Variants in MTUS2 observed in about 807,000 individuals in gnomAD.
MTUS2 encodes microtubule associated scaffold protein 2.
In MTUS2, 40 loss-of-function variants were observed where a neutral mutation model predicts 114.1. The ratio of observed to expected loss-of-function variants is 0.35; its 90% CI spans 0.27 to 0.46. The LOEUF is 0.46. MTUS2 is among the 20% of genes least tolerant of loss of function. MTUS2 has a pLI of 1.00. For synonymous variants in MTUS2, 688 were observed against 672.0 expected, an observed-to-expected ratio of 1.02 and a Z score of -0.37; for missense variants, 1,679 against 1,705.4, an observed-to-expected ratio of 0.98 and a Z score of 0.27.
chr13:28,893,906 A>C (rs1388892803), intron 2 of MTUS2, among the ~76,000 whole-genome samples: 2 of 152,164 alleles, frequency 1.3e-5, no homozygotes, highest in East Asian at 3.9e-4. Context: ...CCAGATCGAC[A>C]TTGTTTTGGT....
chr13:29,316,065 AG>A (rs895937418), intron 6 of MTUS2, among the ~76,000 whole-genome samples: 6 of 152,148 alleles, frequency 3.9e-5, no homozygotes, highest in Non-Finnish European at 7.4e-5. Flanking sequence ...CTGAGGGTAA[AG>A]GGGAAGACTG....
chr13:29,379,403 A>G (rs1201284956), intron 8 of MTUS2, among the ~76,000 whole-genome samples: 1 of 152,116 alleles, frequency 6.6e-6, no homozygotes, highest in Non-Finnish European at 1.5e-5. Flanking sequence ...CCTATAGAAG[A>G]GTGGGTCAGA....
chr13:29,185,635 T>A (rs1315754281), intron 5 of MTUS2, among the ~76,000 whole-genome samples: 2 of 152,202 alleles, frequency 1.3e-5, no homozygotes, highest in Non-Finnish European at 2.9e-5. Context: ...GACATATTCA[T>A]ATTCAAAGTG....
intron 5 of MTUS2, among the ~76,000 whole-genome samples, chr13:29,225,974 C>G (rs981453389): frequency 6.6e-6 from 1 of 152,092 alleles, no homozygotes; most frequent in African/African-American, 2.4e-5. Context: ...GGTAATCAAC[C>G]TGGAATTGAT....
At chr13:29,461,989 G>A (rs59631734) in intron 9 of MTUS2, among the ~76,000 whole-genome samples, 13,603 of 152,132 alleles carry the variant, frequency 0.089, 1,965 homozygotes, top group African/African-American at 0.31. Context: ...GTCTGCTGAG[G>A]GAGCTGGGAG....
At chr13:29,297,365 C>A (rs890992671) in intron 6 of MTUS2, among the ~76,000 whole-genome samples, 2 of 152,116 alleles carry the variant, frequency 1.3e-5, no homozygotes, top group Non-Finnish European at 2.9e-5. Context: ...TTGTTAAGAA[C>A]TGTATGCATC....
At chr13:29,036,945 G>A (rs1477106093) in intron 4 of MTUS2, among the ~76,000 whole-genome samples, 1 of 151,866 alleles carries the variant, frequency 6.6e-6, no homozygotes, top group African/African-American at 2.4e-5. Context: ...CACACTGATG[G>A]GTCTTGATTC....
intron 5 of MTUS2, among the ~76,000 whole-genome samples, chr13:29,139,845 C>G (rs1435906828): frequency 6.6e-6 from 1 of 152,210 alleles, no homozygotes; most frequent in Non-Finnish European, 1.5e-5. Flanking sequence ...GTCTCTGAGA[C>G]AGCAGGCACA....
At chr13:29,466,186 A>G (rs928032467) in intron 9 of MTUS2, among the ~76,000 whole-genome samples, 9 of 152,254 alleles carry the variant, frequency 5.9e-5, no homozygotes, top group African/African-American at 2.2e-4. Flanking sequence ...CTTTGTTTCA[A>G]GTCAGCACAT....
chr13:28,871,751 T>TG (rs560532236), intron 2 of MTUS2, among the ~76,000 whole-genome samples: 156 of 152,186 alleles, frequency 1.0e-3, no homozygotes, highest in Non-Finnish European at 1.9e-3. Context: ...ATTGCTGAAG[T>TG]GGGGGGATTA....
At chr13:28,847,831 C>T (rs889288905) in intron 2 of MTUS2, among the ~76,000 whole-genome samples, 2 of 152,132 alleles carry the variant, frequency 1.3e-5, no homozygotes, top group Non-Finnish European at 2.9e-5. Context: ...GGATGGACCT[C>T]ACATAGATGC....
intron 2 of MTUS2, among the ~76,000 whole-genome samples, chr13:28,981,914 C>T (rs1386879266): frequency 6.6e-6 from 1 of 152,188 alleles, no homozygotes; most frequent in Non-Finnish European, 1.5e-5. Context: ...GGTTCCGTTT[C>T]ACCTGGAGGG....
At chr13:29,204,045 C>T (rs1322069039) in intron 5 of MTUS2, among the ~76,000 whole-genome samples, 1 of 151,982 alleles carries the variant, frequency 6.6e-6, no homozygotes, top group Non-Finnish European at 1.5e-5. Context: ...TTGCAACCTC[C>T]ACCTCCCAGT....
chr13:29,348,420 A>C (rs1020448861), intron 7 of MTUS2, among the ~76,000 whole-genome samples: 1 of 151,738 alleles, frequency 6.6e-6, no homozygotes, highest in African/African-American at 2.4e-5. Flanking sequence ...TATATTTCTT[A>C]TTATGTCGCA....
chr13:28,901,886 A>G (rs996688875), intron 2 of MTUS2, among the ~76,000 whole-genome samples: 4 of 152,228 alleles, frequency 2.6e-5, no homozygotes, highest in African/African-American at 7.2e-5. Context: ...GCAAACAAAC[A>G]AAAACCTTGA....
chr13:29,181,939 A>G (rs1268825353), intron 5 of MTUS2, among the ~76,000 whole-genome samples: 1 of 152,126 alleles, frequency 6.6e-6, no homozygotes, highest in Non-Finnish European at 1.5e-5. Context: ...GTGCTCTCAC[A>G]TTGTACATGT....
chr13:28,932,528 G>T (rs956236732), intron 2 of MTUS2, among the ~76,000 whole-genome samples: 1 of 152,104 alleles, frequency 6.6e-6, no homozygotes, highest in African/African-American at 2.4e-5. Context: ...GTGTGCCTGG[G>T]CTTGTGCTCA....
chr13:29,476,586 G>A (rs1371804266), intron 9 of MTUS2: 1 of 152,120 alleles, frequency 6.6e-6, no homozygotes, highest in Non-Finnish European at 1.5e-5. Flanking sequence ...ATACAATGTG[G>A]TGGTTTTCAG....
At position 29,503,336 on chromosome 13, in the gene MTUS2, GTCC is replaced by G. The variant is rs1157962899; in HGVS notation, c.*136_*138del. On this transcript the variant is annotated 3_prime_UTR_variant, in exon 16 of 16. Coordinates refer to ENST00000612955, the MANE Select transcript of MTUS2 (RefSeq NM_001033602.4). ...GTAGCTGCGAATGCATCCTAGGCGC[GTCC>G]TCCTCTGATCCCCGTGTAAGACTGC... 4 of 988,414 alleles carry G rather than the reference GTCC, an allele frequency of 4.0e-6. No individual in the cohort carries two copies. The African/African-American group carries it at 4.8e-5, about 12-fold the overall frequency. The allele number at this position is 988,414 out of a possible 1,614,324, so 61.2% of individuals were successfully genotyped here.
Sources: gnomAD v4.1 joint callset for allele counts (sites outside exome capture counted in the v4.1 genomes callset) on GRCh38, gnomAD v4.1.1 for gene constraint, MANE v1.5 for transcripts, NCBI Gene and HGNC (gene_info 2026-07-23, HGNC 2026-07-21) for gene names.